Variants in FER observed in about 807,000 individuals in gnomAD.
The protein encoded by FER is FER tyrosine kinase.
In FER, 63 loss-of-function variants were observed where a neutral mutation model predicts 111.0. That is an observed-to-expected ratio of 0.57 (90% CI 0.46 to 0.70). The LOEUF (loss-of-function observed/expected upper bound fraction) is 0.70, where lower values mean the gene tolerates loss of function less well. Among genes scored for constraint, FER ranks in the 30% least tolerant of loss-of-function variants. The probability of loss-of-function intolerance (pLI) is 0.00; values close to 1 mark genes in which losing one functional copy is unlikely to be tolerated. For missense variants in FER, 914 were observed against 954.0 expected (o/e 0.96, Z 0.55); for synonymous variants, 327 against 313.9 (o/e 1.04, Z -0.44).
At chr5:108,983,534 G>A (rs1196460620) in intron 13 of FER, among the ~76,000 whole-genome samples, 1 of 152,132 alleles carries the variant, frequency 6.6e-6, no homozygotes, top group Non-Finnish European at 1.5e-5. Flanking sequence ...TTTGTCCTCT[G>A]ATGACAGTGA....
chr5:109,125,574 A>C (rs1403437387), intron 17 of FER, among the ~76,000 whole-genome samples: 3 of 152,226 alleles, frequency 2.0e-5, no homozygotes, highest in Admixed American at 2.0e-4. Flanking sequence ...GGATAATAAT[A>C]GCACTTATAG....
chr5:108,971,871 A>C (rs1760713632), intron 13 of FER, among the ~76,000 whole-genome samples: 1 of 152,158 alleles, frequency 6.6e-6, no homozygotes, highest in African/African-American at 2.4e-5. Flanking sequence ...TATATACCTG[A>C]ACAGTTTAAT....
intron 17 of FER, among the ~76,000 whole-genome samples, chr5:109,162,173 G>C (rs1180662980): frequency 6.6e-6 from 1 of 151,814 alleles, no homozygotes; most frequent in Non-Finnish European, 1.5e-5. Context: ...TTACTCTCAA[G>C]TCATTTTTGT....
At chr5:109,035,795 G>T (rs1201949006) in intron 13 of FER, among the ~76,000 whole-genome samples, 1 of 152,166 alleles carries the variant, frequency 6.6e-6, no homozygotes, top group Non-Finnish European at 1.5e-5. Flanking sequence ...GATTACAGTT[G>T]CTCCACACCC....
At chr5:108,802,879 A>G (rs1756825728) in intron 3 of FER, among the ~76,000 whole-genome samples, 1 of 152,152 alleles carries the variant, frequency 6.6e-6, no homozygotes, top group Non-Finnish European at 1.5e-5. Context: ...TGCTAGGTCT[A>G]ATGGTAGTTC....
chr5:108,906,838 C>T (rs1031473462), intron 10 of FER, among the ~76,000 whole-genome samples: 3 of 152,044 alleles, frequency 2.0e-5, no homozygotes, highest in African/African-American at 4.8e-5. Context: ...TTTAACAATT[C>T]TCCTTTCTGC....
chr5:108,800,552 T>C (rs1185903832), intron 3 of FER, among the ~76,000 whole-genome samples: 3 of 152,044 alleles, frequency 2.0e-5, no homozygotes, highest in Non-Finnish European at 4.4e-5. Flanking sequence ...GGGGTCTCAG[T>C]ATATTGCCCA....
rs531158187 is a variant in FER, at chr5:109,038,773, A to C, written c.1713+1295A>C. 4.6e-5 allele frequency among the ~76,000 whole-genome samples: 7 copies of C among 152,148 alleles called. No homozygotes were observed. The South Asian group carries it at 6.2e-4, about 14-fold the overall frequency. On this transcript the variant is annotated intron_variant, in intron 14 of 19. Transcript: ENST00000281092. ...TGATACAATTAAATAATAAATTATA[A>C]AACTAAAGCATTTACTGAAATAAAG... is the stretch of plus-strand genomic sequence containing the variant.
intron 10 of FER, among the ~76,000 whole-genome samples, chr5:108,939,024 CTG>C (rs1204765619): frequency 2.0e-5 from 3 of 152,038 alleles, no homozygotes; most frequent in Non-Finnish European, 4.4e-5. Flanking sequence ...ATTTGTTTAA[CTG>C]TGCATTTCTA....
chr5:109,052,555 C>T, intron 16 of FER: 2 of 648,428 alleles, frequency 3.1e-6, no homozygotes, highest in Non-Finnish European at 5.5e-6. Flanking sequence ...CAAATTCAGG[C>T]ACTCAGACCT....
chr5:108,859,357 C>T (rs1402543427), intron 5 of FER, among the ~76,000 whole-genome samples: 3 of 152,008 alleles, frequency 2.0e-5, no homozygotes, highest in Non-Finnish European at 2.9e-5. Flanking sequence ...CCCTGCCTCA[C>T]CCCCCAACAC....
At chr5:108,795,369 A>G (rs564864395) in intron 2 of FER, among the ~76,000 whole-genome samples, 5 of 150,892 alleles carry the variant, frequency 3.3e-5, no homozygotes, top group South Asian at 4.2e-4. Flanking sequence ...TCTTGTAGGC[A>G]TGGTTTATTC....
intron 16 of FER, among the ~76,000 whole-genome samples, chr5:109,099,686 T>A (rs1747978331): frequency 6.6e-6 from 1 of 151,564 alleles, no homozygotes; most frequent in Non-Finnish European, 1.5e-5. Context: ...AAAAAACTTT[T>A]TAAATATTTT....
Position 109,175,443 on chromosome 5 carries a change from C to T in FER, c.2049-5304C>T, listed in dbSNP as rs190216977. 3.3e-5 allele frequency among the ~76,000 whole-genome samples: 5 copies of T among 152,016 alleles called. No homozygotes were observed. In the East Asian group the frequency reaches 9.7e-4, roughly 29 times the overall value. On this transcript the variant is annotated intron_variant, in intron 17 of 19. Coordinates refer to ENST00000281092, the MANE Select transcript of FER (RefSeq NM_005246.4). The stretch of plus-strand genomic sequence containing the variant: ...AATACTTAAAAGTTGATGCTTTTAC[C>T]ATATATAAAAAAGGATTGAAGACTT...
At chr5:108,937,407 A>G (rs1051327977) in intron 10 of FER, among the ~76,000 whole-genome samples, 2 of 152,046 alleles carry the variant, frequency 1.3e-5, no homozygotes, top group African/African-American at 4.8e-5. Flanking sequence ...ATGTTTCAAC[A>G]TTCAAGTTTG....
intron 5 of FER, among the ~76,000 whole-genome samples, chr5:108,841,535 A>G (rs866587096): frequency 6.6e-5 from 10 of 152,294 alleles, no homozygotes; most frequent in Non-Finnish European, 1.2e-4. Context: ...TCTGGCAAAT[A>G]TGGGGAATTC....
intron 3 of FER, among the ~76,000 whole-genome samples, chr5:108,827,966 A>G (rs1225412956): frequency 6.6e-6 from 1 of 151,828 alleles, no homozygotes; most frequent in Non-Finnish European, 1.5e-5. Context: ...AGTAGCTAGG[A>G]CTATAGAAAC....
At chr5:109,127,410 T>G (rs1751850760) in intron 17 of FER, among the ~76,000 whole-genome samples, 1 of 152,166 alleles carries the variant, frequency 6.6e-6, no homozygotes, top group Non-Finnish European at 1.5e-5. Flanking sequence ...TTTACTTTTA[T>G]TTGTATTTTT....
At chr5:109,074,245 T>A (rs905787791) in intron 16 of FER, among the ~76,000 whole-genome samples, 4 of 152,204 alleles carry the variant, frequency 2.6e-5, no homozygotes, top group African/African-American at 9.7e-5. Flanking sequence ...AGAGACTAAG[T>A]AATTAGCTGT....
Sources: gnomAD v4.1 joint callset for allele counts (sites outside exome capture counted in the v4.1 genomes callset) on GRCh38, gnomAD v4.1.1 for gene constraint, MANE v1.5 for transcripts, NCBI Gene and HGNC (gene_info 2026-07-23, HGNC 2026-07-21) for gene names.